Variants in NTNG1 observed in about 807,000 individuals in gnomAD.
The protein encoded by NTNG1 is netrin-G1.
Under a neutral mutation model 54.0 loss-of-function variants are expected in NTNG1, and 16 were observed. That is an observed-to-expected ratio of 0.30 (90% CI 0.20 to 0.45). The LOEUF (loss-of-function observed/expected upper bound fraction) is 0.45, where lower values mean the gene tolerates loss of function less well. Among genes scored for constraint, NTNG1 ranks in the 20% least tolerant of loss-of-function variants. The pLI, the probability that NTNG1 is intolerant of heterozygous loss-of-function variation, is 1.00. For synonymous variants in NTNG1, 255 were observed against 263.1 expected, an observed-to-expected ratio of 0.97 and a Z score of 0.30; for missense variants, 530 against 678.7, an observed-to-expected ratio of 0.78 and a Z score of 2.43.
At chr1:107,289,926 A>T (rs903102639) in intron 2 of NTNG1, among the ~76,000 whole-genome samples, 1 of 152,188 alleles carries the variant, frequency 6.6e-6, no homozygotes, top group African/African-American at 2.4e-5. Flanking sequence ...TTTTCATATG[A>T]AATCATATTT....
chr1:107,167,423 A>C (rs1655883136), intron 2 of NTNG1, among the ~76,000 whole-genome samples: 1 of 151,934 alleles, frequency 6.6e-6, no homozygotes, highest in Non-Finnish European at 1.5e-5. Context: ...CTAAAGTTCA[A>C]GACCCATATT....
chr1:107,420,281 A>G (rs921659169), intron 5 of NTNG1, among the ~76,000 whole-genome samples: 1 of 152,100 alleles, frequency 6.6e-6, no homozygotes, highest in Non-Finnish European at 1.5e-5. Context: ...AATGAGTTCA[A>G]ATGAATCTAT....
intron 2 of NTNG1, among the ~76,000 whole-genome samples, chr1:107,306,417 T>C (rs1666698297): frequency 6.6e-6 from 1 of 152,188 alleles, no homozygotes; most frequent in Non-Finnish European, 1.5e-5. Context: ...ATGGCTCCCA[T>C]ATGGGACAAC....
At chr1:107,439,931 G>T (rs546862031) in intron 7 of NTNG1, among the ~76,000 whole-genome samples, 87 of 151,958 alleles carry the variant, frequency 5.7e-4, no homozygotes, top group Non-Finnish European at 1.0e-3. Context: ...AATGCCCCTT[G>T]AGTGCATCCT....
intron 2 of NTNG1, among the ~76,000 whole-genome samples, chr1:107,262,075 G>A (rs745843085): frequency 6.6e-6 from 1 of 152,150 alleles, no homozygotes; most frequent in Non-Finnish European, 1.5e-5. Flanking sequence ...GGCAGTTAAT[G>A]TACCTAAGTG....
chr1:107,244,675 C>T (rs1662070300), intron 2 of NTNG1, among the ~76,000 whole-genome samples: 1 of 152,200 alleles, frequency 6.6e-6, no homozygotes, highest in Admixed American at 6.5e-5. Flanking sequence ...CCTTCTCCTG[C>T]CAGCTCAAGG....
chr1:107,400,651 G>GTTTTTTTTTTTTTTTTTTTTT (rs370579128), intron 4 of NTNG1, among the ~76,000 whole-genome samples: 1 of 147,504 alleles, frequency 6.8e-6, no homozygotes. Flanking sequence ...TGTGGAATAA[G>GTTTTTTTTTTTTTTTTTTTTT]TTTTTTTTTT....
intron 2 of NTNG1, among the ~76,000 whole-genome samples, chr1:107,258,259 T>G (rs1205318945): frequency 1.3e-5 from 2 of 150,544 alleles, no homozygotes; most frequent in African/African-American, 2.4e-5. Flanking sequence ...AGTTGTTGGT[T>G]TTTTTTTTTC....
chr1:107,194,198 A>G lies in NTNG1; in HGVS notation c.246+45359A>G, dbSNP rs113748607. On this transcript the variant is annotated intron_variant, in intron 2 of 7. Transcript: ENST00000370068. ...CTCCCTCTACCTCCACCATGTTCCT[A>G]TATTGCTCTGGGCTCTGGGCTTTCC... Among the ~76,000 whole-genome samples the G allele has an allele frequency of 6.6e-3, 1,006 of 151,970 alleles. 8 individuals are homozygous for G. The highest frequency in any genetic ancestry group is 0.023 in the African/African-American group (944 of 41,494).
intron 6 of NTNG1, among the ~76,000 whole-genome samples, chr1:107,436,289 T>A (rs1193394139): frequency 6.6e-6 from 1 of 152,220 alleles, no homozygotes; most frequent in Admixed American, 6.5e-5. Context: ...CTAAGCCCAT[T>A]TGAATAATTT....
intron 2 of NTNG1, among the ~76,000 whole-genome samples, chr1:107,212,538 C>A (rs1206394723): frequency 6.6e-6 from 1 of 152,122 alleles, no homozygotes; most frequent in Non-Finnish European, 1.5e-5. Flanking sequence ...AATGTCAAGC[C>A]ATTTTTCTCC....
At chr1:107,413,548 C>G (rs542280828) in intron 5 of NTNG1, among the ~76,000 whole-genome samples, 10 of 152,064 alleles carry the variant, frequency 6.6e-5, no homozygotes, top group African/African-American at 2.4e-4. Context: ...TTATCTCCAC[C>G]AGATAGTTTC....
At chr1:107,478,254 A>G (rs1678461921) in intron 7 of NTNG1, among the ~76,000 whole-genome samples, 1 of 152,214 alleles carries the variant, frequency 6.6e-6, no homozygotes, top group Non-Finnish European at 1.5e-5. Context: ...ACCAAATGTA[A>G]TATGTTTTAT....
At chr1:107,399,477 T>G (rs542875471) in intron 4 of NTNG1, among the ~76,000 whole-genome samples, 2 of 152,212 alleles carry the variant, frequency 1.3e-5, no homozygotes, top group Non-Finnish European at 2.9e-5. Flanking sequence ...CTCTGAGTGA[T>G]GGAAAGTAAT....
chr1:107,446,847 T>C (rs1256456739), intron 7 of NTNG1, among the ~76,000 whole-genome samples: 1 of 152,144 alleles, frequency 6.6e-6, no homozygotes, highest in Non-Finnish European at 1.5e-5. Context: ...AGTGATTGAT[T>C]GTCTTGATGT....
intron 7 of NTNG1, among the ~76,000 whole-genome samples, chr1:107,454,530 T>G (rs764381092): frequency 6.6e-6 from 1 of 151,288 alleles, no homozygotes; most frequent in Non-Finnish European, 1.5e-5. Context: ...AAGCCAAATA[T>G]CCTGTGTCTT....
chr1:107,471,167 C>T (rs1677954499), intron 7 of NTNG1, among the ~76,000 whole-genome samples: 7 of 152,164 alleles, frequency 4.6e-5, no homozygotes, highest in Admixed American at 4.6e-4. Context: ...TCCCTAGGGT[C>T]AGAACTTGCA....
intron 4 of NTNG1, among the ~76,000 whole-genome samples, chr1:107,403,208 CG>C (rs1557969821): frequency 6.6e-6 from 1 of 151,974 alleles, no homozygotes; most frequent in African/African-American, 2.4e-5. Context: ...TTAAAACAAA[CG>C]TAAGTGGGAG....
At chr1:107,180,451 A>G (rs1656983818) in intron 2 of NTNG1, among the ~76,000 whole-genome samples, 1 of 152,182 alleles carries the variant, frequency 6.6e-6, no homozygotes. Context: ...AAGTGAAATA[A>G]AAGTTTCACA....
Sources: gnomAD v4.1 joint callset for allele counts (sites outside exome capture counted in the v4.1 genomes callset) on GRCh38, gnomAD v4.1.1 for gene constraint, MANE v1.5 for transcripts, NCBI Gene and HGNC (gene_info 2026-07-23, HGNC 2026-07-21) for gene names.